The following RORA variants were observed in gnomAD, a reference collection of about 807,000 sequenced individuals.
RORA encodes the protein RAR related orphan receptor A, also known as nuclear receptor ROR-alpha.
In RORA, 7 loss-of-function variants were observed where a neutral mutation model predicts 69.5. That is an observed-to-expected ratio of 0.10 (90% CI 0.06 to 0.19). The LOEUF is 0.19. Ranked by LOEUF, RORA falls within the 10% of genes least tolerant of loss-of-function variation. The probability of loss-of-function intolerance (pLI) is 1.00; values close to 1 mark genes in which losing one functional copy is unlikely to be tolerated. For missense variants in RORA, 457 were observed against 663.0 expected (o/e 0.69, Z 3.41); for synonymous variants, 261 against 240.8 (o/e 1.08, Z -0.78).
intron 1 of RORA, among the ~76,000 whole-genome samples, chr15:60,966,769 A>G (rs1893564607): frequency 6.6e-6 from 1 of 152,240 alleles, no homozygotes; most frequent in Admixed American, 6.5e-5. Context: ...TAGCAACAAC[A>G]GGCAGTCAAA....
chr15:60,745,114 T>C (rs1416542253), intron 1 of RORA, among the ~76,000 whole-genome samples: 3 of 152,164 alleles, frequency 2.0e-5, no homozygotes, highest in African/African-American at 2.4e-5. Context: ...CTGGCTGAAG[T>C]TCTTTGCTCA....
chr15:60,996,417 C>T (rs1894537601), intron 1 of RORA, among the ~76,000 whole-genome samples: 2 of 152,142 alleles, frequency 1.3e-5, no homozygotes, highest in Non-Finnish European at 2.9e-5. Context: ...ATACGATTGT[C>T]AAAACTCACT....
At chr15:61,172,462 G>C (rs1401016206) in intron 1 of RORA, among the ~76,000 whole-genome samples, 2 of 152,172 alleles carry the variant, frequency 1.3e-5, no homozygotes, top group Non-Finnish European at 2.9e-5. Context: ...GAATTGATAA[G>C]ACAGGAGGGA....
intron 1 of RORA, among the ~76,000 whole-genome samples, chr15:61,110,173 C>T (rs1279881130): frequency 3.9e-5 from 6 of 152,176 alleles, no homozygotes; most frequent in African/African-American, 9.6e-5. Context: ...CCAAGGTGGG[C>T]GGATCACGAG....
chr15:60,545,966 C>T (rs2067055877), intron 2 of RORA, among the ~76,000 whole-genome samples: 1 of 152,130 alleles, frequency 6.6e-6, no homozygotes, highest in African/African-American at 2.4e-5. Flanking sequence ...TAAGGAAGAA[C>T]TTAAAATGGA....
At chr15:60,720,184 T>C (rs1179118213) in intron 1 of RORA, among the ~76,000 whole-genome samples, 1 of 152,126 alleles carries the variant, frequency 6.6e-6, no homozygotes, top group Non-Finnish European at 1.5e-5. Flanking sequence ...TTCTGTGACA[T>C]AGGATCAGCA....
intron 1 of RORA, among the ~76,000 whole-genome samples, chr15:61,203,717 G>A (rs1264155043): frequency 6.6e-6 from 1 of 152,208 alleles, no homozygotes; most frequent in East Asian, 1.9e-4. Context: ...CAAGTCTTGA[G>A]CAGAATAAAT....
At chr15:60,642,148 C>G (rs1458382645) in intron 2 of RORA, among the ~76,000 whole-genome samples, 1 of 152,030 alleles carries the variant, frequency 6.6e-6, no homozygotes. Flanking sequence ...GCTCTGTGCA[C>G]GTGAGACCAC....
At position 60,711,703 on chromosome 15, in the gene RORA, G is replaced by T. The variant is rs939108508; in HGVS notation, c.167-33017C>A. Among the ~76,000 whole-genome samples, 21 of 152,078 alleles carry T rather than the reference G, an allele frequency of 1.4e-4. 1 individual carries two copies. Among genetic ancestry groups the T allele is most frequent in the Admixed American group, 1.4e-3 (21 of 15,268 alleles). On this transcript the variant is annotated intron_variant, in intron 1 of 10. Coordinates refer to ENST00000335670, the MANE Select transcript of RORA (RefSeq NM_134261.3). ...AGTTTTCTAACCTTCTGTCTCTTTT[G>T]GTCCTACCTTCAGCTCAAGGGCTTA...
chr15:61,045,565 C>T (rs1340926004), intron 1 of RORA, among the ~76,000 whole-genome samples: 2 of 152,128 alleles, frequency 1.3e-5, no homozygotes, highest in African/African-American at 4.8e-5. Context: ...AGCTGCATAG[C>T]ACTGCTTGTG....
intron 2 of RORA, among the ~76,000 whole-genome samples, chr15:60,564,609 A>C (rs2067663844): frequency 6.6e-6 from 1 of 152,198 alleles, no homozygotes; most frequent in East Asian, 1.9e-4. Flanking sequence ...TTTTGGTCTC[A>C]TCAGGACAAT....
chr15:60,747,833 G>A lies in RORA; in HGVS notation c.167-69147C>T, dbSNP rs116174183. ...TCTTGTTTCTACGCCTCTATTTTAG[G>A]GATCTAATTCTTAGTAAAGCAACTC... is the stretch of plus-strand genomic sequence containing the variant. On this transcript the variant is annotated intron_variant, in intron 1 of 10. Transcript: ENST00000335670. Among the ~76,000 whole-genome samples, 331 of 152,060 alleles carry A rather than the reference G, an allele frequency of 2.2e-3. 2 individuals are homozygous for A. The highest frequency in any genetic ancestry group is 7.6e-3 in the African/African-American group (315 of 41,450).
At position 60,709,508 on chromosome 15, in the gene RORA, C is replaced by T. The variant is rs533631826; in HGVS notation, c.167-30822G>A. Among the ~76,000 whole-genome samples the T allele has an allele frequency of 1.1e-4, 16 of 152,154 alleles. No homozygotes were observed. In the South Asian group the frequency reaches 1.2e-3, roughly 12 times the overall value. ...CTGGACCGCACAGCAGGAGGTGAGCCGAGGGTGAACCAGCATTTCCACCTG... is the reference window on the plus strand; with the variant it reads ...CTGGACCGCACAGCAGGAGGTGAGCTGAGGGTGAACCAGCATTTCCACCTG... On this transcript the variant is annotated intron_variant, in intron 1 of 10. Transcript: ENST00000335670.
chr15:61,020,166 T>G (rs1404136394), intron 1 of RORA, among the ~76,000 whole-genome samples: 2 of 152,222 alleles, frequency 1.3e-5, no homozygotes, highest in Non-Finnish European at 2.9e-5. Context: ...TTTGCAAGTT[T>G]GAAACGCTTC....
At chr15:61,023,600 A>T (rs538948837) in intron 1 of RORA, among the ~76,000 whole-genome samples, 1 of 152,324 alleles carries the variant, frequency 6.6e-6, no homozygotes, top group African/African-American at 2.4e-5. Context: ...AGGGTTATGG[A>T]AAGGTGGGAC....
chr15:61,040,400 T>C (rs180966986), intron 1 of RORA, among the ~76,000 whole-genome samples: 126 of 152,016 alleles, frequency 8.3e-4, no homozygotes, highest in African/African-American at 2.9e-3. Context: ...TCTAGTCTGC[T>C]TGCCTGACCT....
chr15:60,532,363 G>A (rs534128751), intron 2 of RORA, among the ~76,000 whole-genome samples: 180 of 152,192 alleles, frequency 1.2e-3, no homozygotes, highest in African/African-American at 3.9e-3. Flanking sequence ...AAAAATTAAC[G>A]CAGTTGCCAT....
chr15:60,653,618 A>C (rs1300327450), intron 2 of RORA, among the ~76,000 whole-genome samples: 1 of 152,174 alleles, frequency 6.6e-6, no homozygotes, highest in African/African-American at 2.4e-5. Context: ...AGACTCAAAA[A>C]GATTAAATAA....
At chr15:60,967,767 G>T (rs1893597191) in intron 1 of RORA, among the ~76,000 whole-genome samples, 1 of 152,152 alleles carries the variant, frequency 6.6e-6, no homozygotes, top group South Asian at 2.1e-4. Flanking sequence ...AGTAAGTCAG[G>T]AATCTAATCA....
Sources: gnomAD v4.1 joint callset for allele counts (sites outside exome capture counted in the v4.1 genomes callset) on GRCh38, gnomAD v4.1.1 for gene constraint, MANE v1.5 for transcripts, NCBI Gene and HGNC (gene_info 2026-07-23, HGNC 2026-07-21) for gene names.